ANKS1B: variants seen among roughly 807,000 people sequenced by gnomAD.
The protein encoded by ANKS1B is ankyrin repeat and sterile alpha motif domain containing 1B.
A neutral mutation model predicts 148.3 loss-of-function variants in ANKS1B; 36 were observed. That is an observed-to-expected ratio of 0.24 (90% CI 0.19 to 0.32). ANKS1B has a LOEUF of 0.32. Among genes scored for constraint, ANKS1B ranks in the 10% least tolerant of loss-of-function variants. The probability of loss-of-function intolerance (pLI) is 1.00; values close to 1 mark genes in which losing one functional copy is unlikely to be tolerated. For missense variants in ANKS1B, 1,157 were observed against 1,542.6 expected (o/e 0.75, Z 4.19); for synonymous variants, 542 against 560.8 (o/e 0.97, Z 0.47).
intron 1 of ANKS1B, among the ~76,000 whole-genome samples, chr12:99,843,129 G>T (rs1179642322): frequency 6.6e-6 from 1 of 152,062 alleles, no homozygotes; most frequent in African/African-American, 2.4e-5. Flanking sequence ...TTGTTACACA[G>T]GGAAATGTGT....
chr12:99,900,049 C>A (rs375407961), intron 1 of ANKS1B, among the ~76,000 whole-genome samples: 1 of 151,900 alleles, frequency 6.6e-6, no homozygotes, highest in African/African-American at 2.4e-5. Flanking sequence ...CAGGCACCTG[C>A]CATCATGCCC....
intron 25 of ANKS1B, among the ~76,000 whole-genome samples, chr12:98,756,908 T>C (rs1003593171): frequency 1.3e-5 from 2 of 151,764 alleles, no homozygotes; most frequent in African/African-American, 4.8e-5. Flanking sequence ...TTTGTATTTT[T>C]AGTAAAGACA....
At chr12:99,856,786 A>G (rs1225307633) in intron 1 of ANKS1B, among the ~76,000 whole-genome samples, 1 of 152,182 alleles carries the variant, frequency 6.6e-6, no homozygotes, top group Non-Finnish European at 1.5e-5. Flanking sequence ...CAAAAATCAC[A>G]TGATCATCTC....
At chr12:99,177,713 T>G (rs912022694) in intron 14 of ANKS1B, among the ~76,000 whole-genome samples, 3 of 152,250 alleles carry the variant, frequency 2.0e-5, no homozygotes, top group African/African-American at 7.2e-5. Flanking sequence ...GGGGCAATAA[T>G]GGCAATAATG....
intron 19 of ANKS1B, among the ~76,000 whole-genome samples, chr12:98,828,749 T>C (rs1382743568): frequency 1.3e-5 from 2 of 152,262 alleles, no homozygotes; most frequent in Non-Finnish European, 2.9e-5. Context: ...AGAGCATTTC[T>C]GTATGAATGT....
At chr12:99,669,881 C>G (rs1709674191) in intron 8 of ANKS1B, among the ~76,000 whole-genome samples, 1 of 152,046 alleles carries the variant, frequency 6.6e-6, no homozygotes, top group African/African-American at 2.4e-5. Flanking sequence ...TACCTGGCAC[C>G]ATATTTAGGA....
At chr12:99,113,747 C>A (rs889335213) in intron 15 of ANKS1B, among the ~76,000 whole-genome samples, 1 of 152,106 alleles carries the variant, frequency 6.6e-6, no homozygotes, top group African/African-American at 2.4e-5. Context: ...CTTGACTGAA[C>A]TTCCTCTCTT....
At chr12:99,136,273 G>T (rs2068027659) in intron 15 of ANKS1B, among the ~76,000 whole-genome samples, 1 of 152,130 alleles carries the variant, frequency 6.6e-6, no homozygotes. Context: ...CATAGAAGCA[G>T]AGAAATACTT....
chr12:99,759,632 T>A (rs1177763242), intron 8 of ANKS1B, among the ~76,000 whole-genome samples: 1 of 151,972 alleles, frequency 6.6e-6, no homozygotes, highest in Non-Finnish European at 1.5e-5. Context: ...AAAATGGATT[T>A]TTTTAAATAC....
chr12:99,560,027 A>G (rs2097316234), intron 9 of ANKS1B, among the ~76,000 whole-genome samples: 1 of 152,226 alleles, frequency 6.6e-6, no homozygotes, highest in African/African-American at 2.4e-5. Context: ...TTTACGTGAT[A>G]TAGAAATATT....
chr12:99,596,083 T>C (rs933240692), intron 9 of ANKS1B, among the ~76,000 whole-genome samples: 4 of 151,930 alleles, frequency 2.6e-5, no homozygotes, highest in Admixed American at 6.6e-5. Flanking sequence ...TGAATAACAA[T>C]GTATATTTTT....
intron 11 of ANKS1B, among the ~76,000 whole-genome samples, chr12:99,401,734 T>A (rs991985675): frequency 1.4e-5 from 2 of 146,520 alleles, no homozygotes; most frequent in Non-Finnish European, 3.0e-5. Context: ...GGATGGCACA[T>A]GAGTCTTCGA....
chr12:99,416,675 T>C (rs1016743130), intron 11 of ANKS1B, among the ~76,000 whole-genome samples: 2 of 152,260 alleles, frequency 1.3e-5, no homozygotes, highest in Non-Finnish European at 2.9e-5. Context: ...TCATGTCTTC[T>C]GCCCATTTTC....
At chr12:99,213,295 G>T (rs1200196188) in intron 14 of ANKS1B, among the ~76,000 whole-genome samples, 2 of 152,204 alleles carry the variant, frequency 1.3e-5, no homozygotes, top group Non-Finnish European at 1.5e-5. Flanking sequence ...CATTTCAGCA[G>T]CTTGTTTTTA....
intron 9 of ANKS1B, among the ~76,000 whole-genome samples, chr12:99,521,731 TCG>T (rs60186523): frequency 0.023 from 3,511 of 151,460 alleles, 145 homozygotes; most frequent in African/African-American, 0.081. Flanking sequence ...TCTCAATCTC[TCG>T]CTCTCTCTCT....
intron 2 of ANKS1B, among the ~76,000 whole-genome samples, chr12:99,812,621 A>G (rs2068575890): frequency 6.6e-6 from 1 of 151,406 alleles, no homozygotes; most frequent in African/African-American, 2.4e-5. Context: ...AAACTACTTA[A>G]TAGAATTCAT....
intron 14 of ANKS1B, among the ~76,000 whole-genome samples, chr12:99,201,681 C>A (rs1301258759): frequency 6.6e-6 from 1 of 152,070 alleles, no homozygotes; most frequent in Non-Finnish European, 1.5e-5. Flanking sequence ...GCAAAGGAAG[C>A]CAAGTAGTAA....
At chr12:98,941,257 C>T (rs565231721) in intron 17 of ANKS1B, among the ~76,000 whole-genome samples, 3 of 152,304 alleles carry the variant, frequency 2.0e-5, no homozygotes, top group South Asian at 2.1e-4. Flanking sequence ...TAATAACACA[C>T]GTATTTTCTC....
At chr12:99,086,167 A>T (rs1355714147) in intron 15 of ANKS1B, among the ~76,000 whole-genome samples, 1 of 152,158 alleles carries the variant, frequency 6.6e-6, no homozygotes, top group Non-Finnish European at 1.5e-5. Context: ...GGATGCTGAG[A>T]CTGTGCTATG....
Sources: allele counts gnomAD v4.1 joint callset (sites outside exome capture counted in the v4.1 genomes callset), GRCh38; gene constraint gnomAD v4.1.1; transcripts MANE v1.5; gene names NCBI Gene and HGNC (gene_info 2026-07-23, HGNC 2026-07-21).